CDC16: variants seen among roughly 807,000 people sequenced by gnomAD.
The protein encoded by CDC16 is cell division cycle 16, also known as cell division cycle protein 16 homolog.
A neutral mutation model predicts 87.0 loss-of-function variants in CDC16; 34 were observed. That is an observed-to-expected ratio of 0.39 (90% CI 0.30 to 0.52). The LOEUF is 0.52. CDC16 is among the 20% of genes least tolerant of loss of function. CDC16 has a pLI of 0.74. For missense variants in CDC16, 653 were observed against 751.9 expected, an observed-to-expected ratio of 0.87 and a Z score of 1.54; for synonymous variants, 263 against 260.6, an observed-to-expected ratio of 1.01 and a Z score of -0.09.
intron 12 of CDC16, among the ~76,000 whole-genome samples, chr13:114,253,567 G>A (rs143333541): frequency 6.6e-6 from 1 of 151,918 alleles, no homozygotes; most frequent in Non-Finnish European, 1.5e-5. Flanking sequence ...GCTCACGCCT[G>A]TAGTCCCAGC....
chr13:114,244,233 A>AT (rs1405303110), intron 8 of CDC16, among the ~76,000 whole-genome samples: 2 of 152,098 alleles, frequency 1.3e-5, no homozygotes, highest in African/African-American at 4.8e-5. Context: ...ACTGATCTTG[A>AT]TAATTTGCAA....
intron 1 of CDC16, among the ~76,000 whole-genome samples, 163 bp from the exon 2 acceptor site, chr13:114,236,482 T>G (rs2138836707): frequency 6.6e-6 from 1 of 152,228 alleles, no homozygotes; most frequent in East Asian, 1.9e-4. Flanking sequence ...TTACCCTACG[T>G]GAGATGTAAG....
intron 16 of CDC16, chr13:114,264,909 A>G (rs2083101393): frequency 5.0e-6 from 2 of 396,300 alleles, no homozygotes; most frequent in African/African-American, 4.1e-5. Flanking sequence ...CGCCCAGTCG[A>G]GATAGAACTT....
chr13:114,247,051 T>A (rs753874724), intron 11 of CDC16, 47 bp downstream of exon 11: 2 of 1,203,278 alleles, frequency 1.7e-6, no homozygotes, highest in South Asian at 1.2e-5. Context: ...AGAATTGATG[T>A]CTTGCTCATA....
At chr13:114,240,355 G>A (rs948128320) in intron 5 of CDC16, among the ~76,000 whole-genome samples, 3 of 151,910 alleles carry the variant, frequency 2.0e-5, no homozygotes, top group Non-Finnish European at 2.9e-5. Context: ...GACTACAGGC[G>A]CCCGCCACCA....
At position 114,266,782 on chromosome 13, in the gene CDC16, C is replaced by T. The variant is rs183396160; in HGVS notation, c.1603+1542C>T. Among the ~76,000 whole-genome samples, 652 of 152,222 alleles carry T rather than the reference C, an allele frequency of 4.3e-3. 1 individual carries two copies. Among genetic ancestry groups the T allele is most frequent in the Non-Finnish European group, 6.1e-3 (417 of 68,000 alleles). On this transcript the variant is annotated intron_variant, in intron 17 of 17. Coordinates refer to ENST00000356221, the MANE Select transcript of CDC16 (RefSeq NM_001078645.3). ...GATCTCTGCTCACTGCAAGCTCCCCCTCACCGGGGTTCATGCCATTCTCCT... is the reference window on the plus strand; with the variant it reads ...GATCTCTGCTCACTGCAAGCTCCCCTTCACCGGGGTTCATGCCATTCTCCT...
intron 3 of CDC16, among the ~76,000 whole-genome samples, chr13:114,238,655 G>A (rs1000922744): frequency 3.9e-5 from 6 of 152,160 alleles, no homozygotes; most frequent in Admixed American, 6.5e-5. Context: ...CCACTTACTC[G>A]CTGCCTCACT....
chr13:114,257,188 T>C lies in CDC16; in HGVS notation c.1208T>C (p.Phe403Ser), dbSNP rs2082550413. 6.2e-7 allele frequency: 1 copy of C among 1,613,254 alleles called. No individual in the cohort carries two copies. Among genetic ancestry groups the C allele is most frequent in the African/African-American group, 1.3e-5 (1 of 74,922 alleles). ...QALSIAPEDP[F>S]VMHEVGVVAF... ...CTGAGCATTGCACCGGAAGACCCTT[T>C]TGTTATGCATGAGGTCGGCGTGGTT... Residue 403 changes from phenylalanine (F) to serine (S), a missense_variant, in exon 13 of 18, where the codon TTT (phenylalanine) becomes TCT (serine). Physicochemically the swap from Phe to Ser is radical, Grantham distance 155. Coordinates refer to ENST00000356221, the MANE Select transcript of CDC16 (RefSeq NM_001078645.3).
At chr13:114,244,269 T>G (rs1255815274) in intron 8 of CDC16, among the ~76,000 whole-genome samples, 4 of 152,216 alleles carry the variant, frequency 2.6e-5, no homozygotes, top group Non-Finnish European at 5.9e-5. Flanking sequence ...TTTGGCACAT[T>G]GTTTTGTAAA....
chr13:114,260,451 C>T (rs1012968576), intron 14 of CDC16, among the ~76,000 whole-genome samples: 5 of 152,204 alleles, frequency 3.3e-5, no homozygotes, highest in Non-Finnish European at 5.9e-5. Flanking sequence ...GCATCAGCAT[C>T]ACCTAGAAGC....
chr13:114,259,437 C>A, intron 14 of CDC16, 39 bp downstream of exon 14: 1 of 1,136,164 alleles, frequency 8.8e-7, no homozygotes, highest in Non-Finnish European at 1.2e-6. Context: ...ACATATACAC[C>A]CCTGAGTGTT....
intron 10 of CDC16, among the ~76,000 whole-genome samples, chr13:114,246,301 C>T (rs915166253): frequency 3.3e-5 from 5 of 152,206 alleles, no homozygotes; most frequent in Non-Finnish European, 7.3e-5. Flanking sequence ...GTTATACATG[C>T]TTATTTTAAA....
intron 6 of CDC16, 28 bp downstream of exon 6, chr13:114,242,308 A>C: frequency 6.3e-7 from 1 of 1,591,360 alleles, no homozygotes; most frequent in Non-Finnish European, 8.5e-7. Context: ...TTTTTGTTTT[A>C]TGTTTAGCAA....
chr13:114,262,259 G>C (rs1167811893), intron 15 of CDC16, among the ~76,000 whole-genome samples: 3 of 152,212 alleles, frequency 2.0e-5, no homozygotes, highest in Non-Finnish European at 4.4e-5. Context: ...TTTGTGGTGT[G>C]ATAAACAGGC....
rs2081176450 is a variant in CDC16 at position 114,235,099 on chromosome 13, G to T, written c.15G>T (p.Arg5=). The change falls in exon 1 of 18, where the codon CGG becomes CGT. Residue 5 remains arginine (R), a synonymous_variant. Transcript: ENST00000356221. MNLE[R]LRKRVRQYLD... ...CCCGCGCCGCCATGAACCTAGAGCG[G>T]CTGCGGAAGCGCGTCCGGCAGTACC... 3 of 1,245,698 alleles carry T rather than the reference G, an allele frequency of 2.4e-6. No individual in the cohort carries two copies. The highest frequency in any genetic ancestry group is 3.0e-6 in the Non-Finnish European group (3 of 995,424). The allele number at this position is 1,245,698 out of a possible 1,614,324, so 77.2% of individuals were successfully genotyped here.
intron 5 of CDC16, 88 bp from the exon 6 acceptor site, chr13:114,242,033 C>T (rs1161749197): frequency 2.1e-6 from 3 of 1,445,558 alleles, no homozygotes; most frequent in Non-Finnish European, 2.8e-6. Flanking sequence ...GCCTGGGAGA[C>T]AGAGTGAGAC....
intron 1 of CDC16, among the ~76,000 whole-genome samples, chr13:114,235,402 G>A (rs1364454532): frequency 3.3e-5 from 5 of 152,254 alleles, no homozygotes; most frequent in African/African-American, 1.2e-4. Context: ...CTGGCGCGGA[G>A]GAGGTGCCCA....
At chr13:114,243,153 T>G (rs2081645263) in intron 6 of CDC16, 104 bp from the exon 7 acceptor site, 2 of 644,068 alleles carry the variant, frequency 3.1e-6, no homozygotes, top group Non-Finnish European at 5.7e-6. Flanking sequence ...CTTTTGAGTT[T>G]GATTTACTTA....
chr13:114,258,538 G>C (rs1383478725), intron 13 of CDC16, among the ~76,000 whole-genome samples: 1 of 152,164 alleles, frequency 6.6e-6, no homozygotes, highest in Non-Finnish European at 1.5e-5. Flanking sequence ...ATACACTTTT[G>C]TGTTACAGAG....
Sources: gnomAD v4.1 joint callset for allele counts (sites outside exome capture counted in the v4.1 genomes callset) on GRCh38, gnomAD v4.1.1 for gene constraint, MANE v1.5 for transcripts, NCBI Gene and HGNC (gene_info 2026-07-23, HGNC 2026-07-21) for gene names.